The following PAX2 variants were observed in gnomAD, a reference collection of about 807,000 sequenced individuals.
PAX2 encodes paired box protein Pax-2.
A neutral mutation model predicts 41.7 loss-of-function variants in PAX2; 9 were observed. That is an observed-to-expected ratio of 0.22 (90% CI 0.13 to 0.38). PAX2 has a LOEUF of 0.38. Ranked by LOEUF, PAX2 falls within the 10% of genes least tolerant of loss-of-function variation. The pLI is 1.00. For missense variants in PAX2, 418 were observed against 531.6 expected (o/e 0.79, Z 2.10); for synonymous variants, 221 against 212.7 (o/e 1.04, Z -0.34).
chr10:100,782,764 C>T lies in PAX2; in HGVS notation c.616+1399C>T, dbSNP rs535081543. Among the ~76,000 whole-genome samples, 24 of 152,368 alleles carry T rather than the reference C, an allele frequency of 1.6e-4. No individual in the cohort carries two copies. The South Asian group carries it at 3.9e-3, about 25-fold the overall frequency. On this transcript the variant is annotated intron_variant, in intron 5 of 9. Transcript: ENST00000355243. Reference sequence around the variant, plus strand: ...CTAAATTTCATTGTGGTTGTTTTGGCGGCGGCCCCTGATGGGCAGGGGGAG... The same window carrying T: ...CTAAATTTCATTGTGGTTGTTTTGGTGGCGGCCCCTGATGGGCAGGGGGAG...
chr10:100,758,343 T>C (rs1394905919), intron 3 of PAX2, among the ~76,000 whole-genome samples: 1 of 152,104 alleles, frequency 6.6e-6, no homozygotes, highest in Admixed American at 6.5e-5. Context: ...GGTTTCACCA[T>C]GTTAGCCGGG....
intron 3 of PAX2, among the ~76,000 whole-genome samples, chr10:100,777,301 A>G (rs752853086): frequency 6.6e-6 from 1 of 151,028 alleles, no homozygotes; most frequent in African/African-American, 2.4e-5. Context: ...GGGTTTCACC[A>G]TGTTGGTCAG....
At chr10:100,819,260 G>A (rs567243434) in intron 7 of PAX2, among the ~76,000 whole-genome samples, 4 of 141,322 alleles carry the variant, frequency 2.8e-5, no homozygotes, top group Admixed American at 7.0e-5. Flanking sequence ...AAAAAAAAAA[G>A]GGGGGGGAGT....
Position 100,809,508 on chromosome 10 carries a change from G to T in PAX2, c.919+272G>T, listed in dbSNP as rs545747041. Among the ~76,000 whole-genome samples, 3 of 152,352 alleles carry T rather than the reference G, an allele frequency of 2.0e-5. No individual in the cohort carries two copies. In the South Asian group the frequency reaches 6.2e-4, roughly 32 times the overall value. ...CCTCCTGTCCTTCGCCTCTCCCTTTGTCTATTTCTCTTCCCTCTCCCAAGT... is the reference window on the plus strand; with the variant it reads ...CCTCCTGTCCTTCGCCTCTCCCTTTTTCTATTTCTCTTCCCTCTCCCAAGT... On this transcript the variant is annotated intron_variant, in intron 7 of 9. Coordinates refer to ENST00000355243, the MANE Select transcript of PAX2 (RefSeq NM_000278.5).
At chr10:100,764,240 T>C (rs749525041) in intron 3 of PAX2, among the ~76,000 whole-genome samples, 1 of 147,214 alleles carries the variant, frequency 6.8e-6, no homozygotes, top group Non-Finnish European at 1.5e-5. Flanking sequence ...GCCTCCCGGG[T>C]TCATGCCATT....
chr10:100,784,684 A>G (rs889188695), intron 5 of PAX2, among the ~76,000 whole-genome samples: 2 of 152,254 alleles, frequency 1.3e-5, no homozygotes, highest in Non-Finnish European at 2.9e-5. Context: ...TGGTGTTCAC[A>G]GTGATAATGC....
chr10:100,781,168 C>A, intron 4 of PAX2, 78 bp from the exon 5 acceptor site: 1 of 1,467,080 alleles, frequency 6.8e-7, no homozygotes. Flanking sequence ...TCTCTGCCCC[C>A]CAGCCTTGGG....
intron 1 of PAX2, 26 bp downstream of exon 1, chr10:100,746,329 C>G (rs1168584813): frequency 6.6e-7 from 1 of 1,510,926 alleles, no homozygotes; most frequent in African/African-American, 1.4e-5. Context: ...CGGCTCCTGT[C>G]CCGGCTCGGG....
chr10:100,759,404 G>A (rs1245051709), intron 3 of PAX2, among the ~76,000 whole-genome samples: 1 of 152,190 alleles, frequency 6.6e-6, no homozygotes, highest in Non-Finnish European at 1.5e-5. Context: ...GGCCCCTCTC[G>A]GCAGGCTGTG....
Position 100,819,261 on chromosome 10 carries a change from G to A in PAX2, c.920-5387G>A, listed in dbSNP as rs75964204. On this transcript the variant is annotated intron_variant, in intron 7 of 9. Transcript: ENST00000355243. ...AGACTCTGTCTCAAAAAAAAAAAAG[G>A]GGGGGGAGTTTAAAAACATATCAAT... Among the ~76,000 whole-genome samples the A allele has an allele frequency of 4.3e-4, 64 of 147,758 alleles. 1 individual carries two copies. The highest frequency in any genetic ancestry group is 1.0e-4 in the Non-Finnish European group (7 of 67,238).
At chr10:100,801,191 C>T (rs1269697527) in intron 5 of PAX2, among the ~76,000 whole-genome samples, 2 of 152,194 alleles carry the variant, frequency 1.3e-5, no homozygotes, top group African/African-American at 4.8e-5. Context: ...GAGCCAGTCA[C>T]TTGCCCTCGC....
At position 100,826,074 on chromosome 10, in the gene PAX2, C is replaced by T. The variant is rs1361593640; in HGVS notation, c.1022-935C>T. ...ATCTAGTGCTGATGAGGAAATTACA[C>T]TTGTTTCATTAGCGATGGGGAAGGA... On this transcript the variant is annotated intron_variant, in intron 8 of 9. Coordinates refer to ENST00000355243, the MANE Select transcript of PAX2 (RefSeq NM_000278.5). The surrounding 1 kb of genome is among the most constrained non-coding windows in gnomAD (Gnocchi z 5.5). 1.3e-5 allele frequency among the ~76,000 whole-genome samples: 2 copies of T among 152,036 alleles called. No homozygotes were observed. Among genetic ancestry groups the T allele is most frequent in the Non-Finnish European group, 1.5e-5 (1 of 67,990 alleles).
At chr10:100,754,905 G>A (rs1845576503) in intron 3 of PAX2, among the ~76,000 whole-genome samples, 1 of 152,166 alleles carries the variant, frequency 6.6e-6, no homozygotes, top group Non-Finnish European at 1.5e-5. Flanking sequence ...TTGGTCTCAT[G>A]GCAAAGAGAC....
intron 6 of PAX2, among the ~76,000 whole-genome samples, chr10:100,807,113 A>G (rs576296614): frequency 7.2e-5 from 11 of 152,222 alleles, no homozygotes; most frequent in Non-Finnish European, 1.2e-4. Flanking sequence ...ATGGAACCCT[A>G]GGTAGGCTGG....
At chr10:100,776,410 TTG>T (rs945391275) in intron 3 of PAX2, among the ~76,000 whole-genome samples, 3 of 152,218 alleles carry the variant, frequency 2.0e-5, no homozygotes, top group African/African-American at 4.8e-5. Flanking sequence ...GCACTGCAGG[TTG>T]TGTTTTTCTT....
chr10:100,741,956 A>G (rs1406641392), upstream of PAX2, among the ~76,000 whole-genome samples: 2 of 152,076 alleles, frequency 1.3e-5, no homozygotes, highest in African/African-American at 4.8e-5. Context: ...CTCCCCGGGA[A>G]GTGGAAGGAG....
chr10:100,804,297 G>C (rs75836677), intron 5 of PAX2, among the ~76,000 whole-genome samples: 11 of 79,226 alleles, frequency 1.4e-4, no homozygotes, highest in East Asian at 4.0e-4. Flanking sequence ...CACACACACA[G>C]ACACAGTGAG....
chr10:100,809,964 G>T (rs769804028), intron 7 of PAX2, among the ~76,000 whole-genome samples: 1 of 152,232 alleles, frequency 6.6e-6, no homozygotes, highest in African/African-American at 2.4e-5. Flanking sequence ...TGGAATGCAC[G>T]TGCCACTGCA....
At position 100,826,697 on chromosome 10, in the gene PAX2, C is replaced by T. The variant is rs923927290; in HGVS notation, c.1022-312C>T. On this transcript the variant is annotated intron_variant, in intron 8 of 9. Coordinates refer to ENST00000355243, the MANE Select transcript of PAX2 (RefSeq NM_000278.5). The surrounding 1 kb of genome is among the most constrained non-coding windows in gnomAD (Gnocchi z 5.5). Reference sequence around the variant, plus strand: ...CTGGCCCCCAGCGCGACAGGGTGGACGCGCCCCAATACAAACCCTTCGTGG... The same window carrying T: ...CTGGCCCCCAGCGCGACAGGGTGGATGCGCCCCAATACAAACCCTTCGTGG... 2.0e-5 allele frequency among the ~76,000 whole-genome samples: 3 copies of T among 152,222 alleles called. No homozygotes were observed. The highest frequency in any genetic ancestry group is 2.1e-4 in the South Asian group (1 of 4,834).
Sources: gnomAD v4.1 joint callset for allele counts (sites outside exome capture counted in the v4.1 genomes callset) on GRCh38, gnomAD v4.1.1 for gene constraint, Gnocchi (gnomAD v3.1) non-coding constraint, MANE v1.5 for transcripts, NCBI Gene and HGNC (gene_info 2026-07-23, HGNC 2026-07-21) for gene names.